The following COMMD7 variants were observed in gnomAD, a reference collection of about 807,000 sequenced individuals.
COMMD7 encodes COMM domain containing 7.
COMMD7 carries 28 observed loss-of-function variants against 34.8 expected under a neutral mutation model. The observed-to-expected ratio is 0.80, with a 90% CI of 0.60 to 1.10. The LOEUF (loss-of-function observed/expected upper bound fraction) is 1.10. Among genes scored for constraint, COMMD7 ranks in the 50% least tolerant of loss-of-function variants. COMMD7 has a pLI of 0.00. For missense variants in COMMD7, 211 were observed against 241.6 expected (o/e 0.87, Z 0.84); for synonymous variants, 80 against 86.4 (o/e 0.93, Z 0.41).
At chr20:32,706,332 C>T (rs1262501405) in intron 5 of COMMD7, among the ~76,000 whole-genome samples, 7 of 150,500 alleles carry the variant, frequency 4.7e-5, no homozygotes, top group East Asian at 3.9e-4. Flanking sequence ...GCTAACACAG[C>T]GAAACCCCGT....
At chr20:32,712,269 C>CAAAAA (rs56096713) in intron 3 of COMMD7, among the ~76,000 whole-genome samples, 12 of 71,834 alleles carry the variant, frequency 1.7e-4, no homozygotes, top group African/African-American at 3.1e-4. Context: ...GACTCCGTCT[C>CAAAAA]AAAAAAAAAA....
intron 3 of COMMD7, among the ~76,000 whole-genome samples, chr20:32,717,958 G>A (rs1205161006): frequency 6.6e-6 from 1 of 151,824 alleles, no homozygotes; most frequent in Non-Finnish European, 1.5e-5. Flanking sequence ...GCGTGGTAGT[G>A]TGTGCCTGTA....
At chr20:32,707,846 G>A (rs1984197185) in intron 3 of COMMD7, among the ~76,000 whole-genome samples, 1 of 151,796 alleles carries the variant, frequency 6.6e-6, no homozygotes, top group Non-Finnish European at 1.5e-5. Flanking sequence ...AGCCACTATT[G>A]CATGTGGTTA....
chr20:32,718,129 G>C (rs1365643566), intron 3 of COMMD7, among the ~76,000 whole-genome samples: 1 of 151,854 alleles, frequency 6.6e-6, no homozygotes, highest in African/African-American at 2.4e-5. Context: ...GGGGAGCCGG[G>C]TGCGGTGGCT....
chr20:32,707,200 C>T (rs1259679984), intron 3 of COMMD7, among the ~76,000 whole-genome samples: 44 of 148,336 alleles, frequency 3.0e-4, no homozygotes, highest in Admixed American at 9.4e-4. Flanking sequence ...AGGAGAATGG[C>T]GTGAACCCGG....
Position 32,704,886 on chromosome 20 carries a change from T to C in COMMD7, c.355A>G (p.Thr119Ala). The change falls in exon 6 of 9, where the codon ACC becomes GCC. Residue 119 changes from threonine (T) to alanine (A), a missense_variant. By Grantham distance (58) the Thr-to-Ala change is moderately conservative. Transcript: ENST00000278980. Reference protein sequence around the residue: ...FSEKWKQNAPTLARWAIGQTL... With the variant: ...FSEKWKQNAPALARWAIGQTL... Reference sequence around the variant, plus strand: ...TGACCTATGGCCCATCGAGCAAGGGTGGGAGCATTCTGCTTCCACTGGAAC... The same window carrying C: ...TGACCTATGGCCCATCGAGCAAGGGCGGGAGCATTCTGCTTCCACTGGAAC... 1 of 1,613,488 alleles carries C rather than the reference T, an allele frequency of 6.2e-7. No individual in the cohort carries two copies. The highest frequency in any genetic ancestry group is 1.1e-5 in the South Asian group (1 of 91,058).
chr20:32,703,794 C>A, intron 8 of COMMD7: 1 of 1,528,770 alleles, frequency 6.5e-7, no homozygotes, highest in East Asian at 2.5e-5. Flanking sequence ...TCCGTTCCCA[C>A]CCTTTCCCTT....
intron 1 of COMMD7, among the ~76,000 whole-genome samples, chr20:32,736,659 G>A (rs916185470): frequency 2.0e-5 from 3 of 151,910 alleles, no homozygotes; most frequent in African/African-American, 7.3e-5. Context: ...GATACAGCGA[G>A]ACTCTGACTC....
chr20:32,739,489 C>A (rs1440285449), intron 1 of COMMD7, among the ~76,000 whole-genome samples: 1 of 151,170 alleles, frequency 6.6e-6, no homozygotes, highest in Admixed American at 6.6e-5. Context: ...ACTAAAAATA[C>A]AAAAAATTAG....
At position 32,708,652 on chromosome 20, in the gene COMMD7, G is replaced by A. The variant is rs181564352; in HGVS notation, c.242-1892C>T. Among the ~76,000 whole-genome samples, 41 of 110,940 alleles carry A rather than the reference G, an allele frequency of 3.7e-4. No individual in the cohort carries two copies. The East Asian group carries it at 5.9e-3, about 16-fold the overall frequency. 72.8% of individuals were successfully genotyped at this position (110,940 alleles called of 152,430 possible). On this transcript the variant is annotated intron_variant, in intron 3 of 8. Transcript: ENST00000278980. Reference sequence around the variant, plus strand: ...TCCCCAAACACTGGGCTTTATTATTGTAACTTTTTTTTTTTTTTTGAGACA... The same window carrying A: ...TCCCCAAACACTGGGCTTTATTATTATAACTTTTTTTTTTTTTTTGAGACA...
At chr20:32,735,646 A>T (rs1986098044) in intron 1 of COMMD7, among the ~76,000 whole-genome samples, 1 of 152,126 alleles carries the variant, frequency 6.6e-6, no homozygotes, top group African/African-American at 2.4e-5. Context: ...ATTTCTGGAG[A>T]TAAGAAAAAT....
intron 3 of COMMD7, among the ~76,000 whole-genome samples, chr20:32,727,453 T>C (rs1273661954): frequency 1.3e-5 from 2 of 150,882 alleles, no homozygotes; most frequent in Non-Finnish European, 2.9e-5. Flanking sequence ...GGAGAATCAC[T>C]TGAACTCGGA....
chr20:32,725,632 G>T (rs1985464574), intron 3 of COMMD7, among the ~76,000 whole-genome samples: 2 of 151,994 alleles, frequency 1.3e-5, no homozygotes, highest in African/African-American at 4.8e-5. Context: ...GTTTCACCGT[G>T]TTAGCCAGGA....
intron 5 of COMMD7, 57 bp downstream of exon 5, chr20:32,706,526 A>T: frequency 7.1e-7 from 1 of 1,399,486 alleles, no homozygotes; most frequent in Non-Finnish European, 9.9e-7. Flanking sequence ...AAAAAAAAAA[A>T]GAAAGAAAAG....
intron 1 of COMMD7, among the ~76,000 whole-genome samples, chr20:32,730,582 C>CAAA (rs1985781465): frequency 6.6e-6 from 1 of 151,640 alleles, no homozygotes; most frequent in Non-Finnish European, 1.5e-5. Flanking sequence ...ACAACAACAA[C>CAAA]AAAAAGCCCA....
chr20:32,727,929 T>G lies in COMMD7; in HGVS notation c.205A>C (p.Arg69=), dbSNP rs373661668. The change falls in exon 3 of 9, where the codon AGA becomes CGA. Residue 69 remains arginine (R), a synonymous_variant. Coordinates refer to ENST00000278980, the MANE Select transcript of COMMD7 (RefSeq NM_053041.3). ...TTNQISLGSL[R]SIVKSLLLVP... ...AGAAGGAGGCTTTTCACGATGCTTC[T>G]GAGGGAGCCAAGACTGATCTGATTG... 2 of 1,614,022 alleles carry G rather than the reference T, an allele frequency of 1.2e-6. No individual in the cohort carries two copies. Among genetic ancestry groups the G allele is most frequent in the Non-Finnish European group, 1.7e-6 (2 of 1,180,022 alleles).
chr20:32,708,917 C>T (rs902533103), intron 3 of COMMD7, among the ~76,000 whole-genome samples: 1 of 151,964 alleles, frequency 6.6e-6, no homozygotes, highest in African/African-American at 2.4e-5. Flanking sequence ...AGCAATCCAC[C>T]CACCTTGGCC....
intron 3 of COMMD7, among the ~76,000 whole-genome samples, chr20:32,719,095 G>A (rs189675904): frequency 4.6e-5 from 7 of 152,204 alleles, no homozygotes; most frequent in Admixed American, 1.3e-4. Flanking sequence ...AGGCTCTTAC[G>A]TTGCAGATTA....
chr20:32,735,869 C>T (rs181506310), intron 1 of COMMD7, among the ~76,000 whole-genome samples: 1 of 152,244 alleles, frequency 6.6e-6, no homozygotes, highest in African/African-American at 2.4e-5. Flanking sequence ...CTTTCATTTC[C>T]AGCTTGGTAA....
Sources: allele counts gnomAD v4.1 joint callset (sites outside exome capture counted in the v4.1 genomes callset), GRCh38; gene constraint gnomAD v4.1.1; transcripts MANE v1.5; gene names NCBI Gene and HGNC (gene_info 2026-07-23, HGNC 2026-07-21).